FAAH2: variants seen among roughly 807,000 people sequenced by gnomAD.
FAAH2 encodes the protein fatty acid amide hydrolase 2, also known as fatty-acid amide hydrolase 2.
In FAAH2, 60 loss-of-function variants were observed where a neutral mutation model predicts 36.9. The ratio of observed to expected loss-of-function variants is 1.63; its 90% confidence interval spans 1.32 to 2.02. The LOEUF is 2.02. FAAH2 is among the 30% of genes most tolerant of loss of function. The probability of loss-of-function intolerance (pLI) is 0.00; values close to 1 mark genes in which losing one functional copy is unlikely to be tolerated. For synonymous variants in FAAH2, 214 were observed against 143.8 expected, an observed-to-expected ratio of 1.49 and a Z score of -3.49; for missense variants, 689 against 397.5, an observed-to-expected ratio of 1.73 and a Z score of -6.23.
At chrX:57,480,411 T>C (rs2057358316) in intron 10 of FAAH2, among the ~76,000 whole-genome samples, 1 of 111,941 alleles carries the variant, frequency 8.9e-6, no homozygotes, top group Non-Finnish European at 1.9e-5. Context: ...AACCTTCAGG[T>C]GCTCTTTTAA....
intron 7 of FAAH2, among the ~76,000 whole-genome samples, chrX:57,422,894 G>A (rs1032141944): frequency 6.2e-5 from 7 of 112,557 alleles, no homozygotes; most frequent in African/African-American, 2.3e-4. Context: ...ACATAAAAGT[G>A]AAATAAACTT....
At chrX:57,273,167 G>A in the FAAH2 span, among the ~76,000 whole-genome samples, 3 of 111,844 alleles carry the variant, frequency 2.7e-5, no homozygotes, top group African/African-American at 6.5e-5. Context: ...AGACAAAGAA[G>A]GGCATTACAT....
the FAAH2 span, among the ~76,000 whole-genome samples, chrX:57,225,119 A>C: frequency 9.3e-6 from 1 of 107,574 alleles, no homozygotes; most frequent in Non-Finnish European, 1.9e-5. Context: ...TCTTTCGTAA[A>C]ATTTTTTTTT....
At chrX:57,305,788 A>G (rs1329004975) in intron 2 of FAAH2, among the ~76,000 whole-genome samples, 1 of 111,407 alleles carries the variant, frequency 9.0e-6, no homozygotes, top group Non-Finnish European at 1.9e-5. Flanking sequence ...CTTCTAGTTC[A>G]GTCCAGCTTT....
intron 10 of FAAH2, among the ~76,000 whole-genome samples, 153 bp downstream of exon 10, chrX:57,448,871 A>G (rs1039660255): frequency 8.9e-6 from 1 of 112,327 alleles, no homozygotes; most frequent in Non-Finnish European, 1.9e-5. Flanking sequence ...ACAGTTGCTA[A>G]TGTCATATGT....
intron 10 of FAAH2, among the ~76,000 whole-genome samples, chrX:57,487,685 G>C (rs2057500451): frequency 8.9e-6 from 1 of 111,778 alleles, no homozygotes; most frequent in African/African-American, 3.2e-5. Flanking sequence ...TGTCACATTG[G>C]TGCAGACTCT....
At chrX:57,182,790 T>G in the FAAH2 span, among the ~76,000 whole-genome samples, 1 of 111,756 alleles carries the variant, frequency 8.9e-6, no homozygotes, top group South Asian at 3.7e-4. Context: ...ATGAAATCAA[T>G]GTAATGTCCA....
the FAAH2 span, among the ~76,000 whole-genome samples, chrX:57,194,968 TGTGTGTAA>T: frequency 9.0e-6 from 1 of 111,642 alleles, no homozygotes; most frequent in African/African-American, 3.3e-5. Flanking sequence ...TGTGTGTGTG[TGTGTGTAA>T]GTGTGTATAT....
At chrX:57,349,490 CACATATAT>C (rs1307647028) in intron 5 of FAAH2, among the ~76,000 whole-genome samples, 3 of 98,560 alleles carry the variant, frequency 3.0e-5, no homozygotes, top group East Asian at 6.3e-4. Context: ...CATATATATA[CACATATAT>C]ACATATATAC....
the FAAH2 span, among the ~76,000 whole-genome samples, chrX:57,216,514 A>G: frequency 1.2e-4 from 10 of 81,246 alleles, no homozygotes; most frequent in African/African-American, 6.0e-4. Context: ...ATATATATAT[A>G]TATACGTATA....
chrX:57,444,699 G>T (rs1008484188), intron 8 of FAAH2, among the ~76,000 whole-genome samples: 1 of 111,495 alleles, frequency 9.0e-6, no homozygotes, highest in African/African-American at 3.3e-5. Context: ...GACTGGAGCT[G>T]TTCCTATTCA....
the FAAH2 span, among the ~76,000 whole-genome samples, chrX:57,226,716 T>G: frequency 8.9e-6 from 1 of 112,297 alleles, no homozygotes; most frequent in South Asian, 3.7e-4. Context: ...GCTGGGAAAG[T>G]TTTCCTTGAT....
chrX:57,403,917 C>T (rs756922000), intron 7 of FAAH2, among the ~76,000 whole-genome samples: 2 of 112,615 alleles, frequency 1.8e-5, no homozygotes, highest in East Asian at 2.8e-4. Context: ...ACAGAATAGC[C>T]CCATACTTTA....
chrX:57,306,591 C>A (rs2052529068), intron 2 of FAAH2, among the ~76,000 whole-genome samples: 1 of 107,207 alleles, frequency 9.3e-6, no homozygotes. Flanking sequence ...TTCTAACCAA[C>A]CCCAGTCCTT....
At chrX:57,362,865 T>C (rs1450647539) in intron 5 of FAAH2, among the ~76,000 whole-genome samples, 1 of 111,999 alleles carries the variant, frequency 8.9e-6, no homozygotes, top group East Asian at 2.8e-4. Flanking sequence ...TTGTCAACTT[T>C]GTGGAAGACC....
the FAAH2 span, among the ~76,000 whole-genome samples, chrX:57,238,416 G>A: frequency 2.7e-5 from 3 of 111,581 alleles, no homozygotes; most frequent in South Asian, 3.8e-4. Flanking sequence ...AATACTGCAT[G>A]TTCTCACTTA....
chrX:57,309,052 A>T (rs1173970263), intron 2 of FAAH2, among the ~76,000 whole-genome samples: 2 of 112,182 alleles, frequency 1.8e-5, no homozygotes, highest in African/African-American at 6.5e-5. Flanking sequence ...TATTTTATTA[A>T]AGTTATTTTA....
At chrX:57,473,444 G>T (rs955619633) in intron 10 of FAAH2, among the ~76,000 whole-genome samples, 13 of 111,475 alleles carry the variant, frequency 1.2e-4, no homozygotes, top group Non-Finnish European at 2.3e-4. Context: ...TTCTGGCCAA[G>T]CATATGTTCA....
intron 5 of FAAH2, among the ~76,000 whole-genome samples, chrX:57,374,190 C>T (rs1218735975): frequency 1.8e-5 from 2 of 111,398 alleles, no homozygotes; most frequent in African/African-American, 6.5e-5. Context: ...TTTGCTTTGG[C>T]TATGCAGATA....
Sources: allele counts gnomAD v4.1 joint callset (sites outside exome capture counted in the v4.1 genomes callset), GRCh38; gene constraint gnomAD v4.1.1; transcripts MANE v1.5; gene names NCBI Gene and HGNC (gene_info 2026-07-23, HGNC 2026-07-21).